Variants in L3MBTL4 observed in about 807,000 individuals in gnomAD.
L3MBTL4 encodes lethal(3)malignant brain tumor-like protein 4.
Under a neutral mutation model 84.5 loss-of-function variants are expected in L3MBTL4, and 70 were observed. The ratio of observed to expected loss-of-function variants is 0.83; its 90% CI spans 0.68 to 1.01. L3MBTL4 has a LOEUF of 1.01. L3MBTL4 is among the 50% of genes least tolerant of loss of function. L3MBTL4 has a pLI of 0.00. For missense variants in L3MBTL4, 715 were observed against 754.8 expected, an observed-to-expected ratio of 0.95 and a Z score of 0.62; for synonymous variants, 274 against 259.8, an observed-to-expected ratio of 1.05 and a Z score of -0.52.
intron 4 of L3MBTL4, among the ~76,000 whole-genome samples, chr18:6,270,698 G>A (rs2048828803): frequency 6.6e-6 from 1 of 152,234 alleles, no homozygotes; most frequent in Non-Finnish European, 1.5e-5. Flanking sequence ...TTCTGCAAAT[G>A]CCAGAGTCTG....
intron 5 of L3MBTL4, among the ~76,000 whole-genome samples, chr18:6,253,555 T>A (rs2146266041): frequency 6.6e-6 from 1 of 152,326 alleles, no homozygotes. Flanking sequence ...TTTAAGGTGG[T>A]GCCCACATTT....
chr18:6,238,063 T>A, intron 9 of L3MBTL4, 23 bp from the exon 10 acceptor site: 1 of 1,603,762 alleles, frequency 6.2e-7, no homozygotes, highest in Non-Finnish European at 8.5e-7. Flanking sequence ...AGCTCTATAT[T>A]ACGTTCCGTT....
chr18:6,075,655 A>T (rs993762925), intron 16 of L3MBTL4, among the ~76,000 whole-genome samples: 1 of 152,164 alleles, frequency 6.6e-6, no homozygotes, highest in Admixed American at 6.5e-5. Flanking sequence ...ATCAAAATAG[A>T]ACTGATAGAC....
intron 10 of L3MBTL4, among the ~76,000 whole-genome samples, chr18:6,217,705 C>T (rs1481915671): frequency 6.6e-6 from 1 of 152,142 alleles, no homozygotes; most frequent in African/African-American, 2.4e-5. Context: ...TCATTCTGTA[C>T]ATAAAATGTT....
At chr18:6,237,780 T>A (rs1483638287) in intron 10 of L3MBTL4, among the ~76,000 whole-genome samples, 184 bp downstream of exon 10, 2 of 152,062 alleles carry the variant, frequency 1.3e-5, no homozygotes, top group Non-Finnish European at 2.9e-5. Context: ...ATAAACACAG[T>A]TCGTCTTCAT....
intron 10 of L3MBTL4, among the ~76,000 whole-genome samples, chr18:6,229,878 G>GC (rs2046924401): frequency 6.6e-6 from 1 of 152,042 alleles, no homozygotes; most frequent in Admixed American, 6.6e-5. Flanking sequence ...GATTGCTGTA[G>GC]CTTTTCGGTA....
At chr18:6,295,346 C>CTCTCTCTCTCTCTCTCTATATATA (rs1261475809) in intron 4 of L3MBTL4, among the ~76,000 whole-genome samples, 1 of 81,388 alleles carries the variant, frequency 1.2e-5, no homozygotes, top group African/African-American at 6.6e-5. Context: ...CTCTCTCTCT[C>CTCTCTCTCTCTCTCTCTATATATA]TATATATATA....
At chr18:6,379,821 G>A (rs2054523297) in intron 1 of L3MBTL4, among the ~76,000 whole-genome samples, 1 of 152,176 alleles carries the variant, frequency 6.6e-6, no homozygotes, top group Non-Finnish European at 1.5e-5. Flanking sequence ...TCGGAATGAT[G>A]CTGGCCTCAT....
At chr18:6,353,265 A>G (rs968463632) in intron 1 of L3MBTL4, among the ~76,000 whole-genome samples, 2 of 149,372 alleles carry the variant, frequency 1.3e-5, no homozygotes, top group Admixed American at 6.6e-5. Flanking sequence ...AACTTTCAAG[A>G]GACCATGATG....
intron 16 of L3MBTL4, among the ~76,000 whole-genome samples, chr18:6,050,919 G>A (rs1326447330): frequency 6.6e-6 from 1 of 152,140 alleles, no homozygotes; most frequent in Admixed American, 6.5e-5. Context: ...AACACAGTTT[G>A]TGATCCTGTT....
chr18:6,100,956 T>C (rs1301212657), intron 14 of L3MBTL4, among the ~76,000 whole-genome samples: 1 of 152,210 alleles, frequency 6.6e-6, no homozygotes, highest in Non-Finnish European at 1.5e-5. Flanking sequence ...CCAGCATGGA[T>C]GAAAGCCCCA....
At chr18:6,160,024 C>T (rs961999799) in intron 13 of L3MBTL4, among the ~76,000 whole-genome samples, 21 of 152,262 alleles carry the variant, frequency 1.4e-4, no homozygotes, top group Middle Eastern at 3.4e-3. Flanking sequence ...GGAAGGGTGA[C>T]GTAAGTACAG....
chr18:6,083,169 C>T (rs547126907), intron 15 of L3MBTL4, among the ~76,000 whole-genome samples: 3 of 152,242 alleles, frequency 2.0e-5, no homozygotes, highest in South Asian at 2.1e-4. Context: ...CTTCCAATAG[C>T]GTACAGTTTA....
intron 3 of L3MBTL4, among the ~76,000 whole-genome samples, chr18:6,304,574 C>T (rs1440233691): frequency 6.6e-6 from 1 of 152,192 alleles, no homozygotes; most frequent in Admixed American, 6.5e-5. Context: ...AAGTATACGG[C>T]CCTCACTGTG....
intron 4 of L3MBTL4, 69 bp from the exon 5 acceptor site, chr18:6,264,107 C>A (rs1315265467): frequency 2.1e-5 from 24 of 1,152,544 alleles, no homozygotes; most frequent in Non-Finnish European, 2.9e-5. Flanking sequence ...ACTTACTTGA[C>A]AATAAACTCA....
intron 16 of L3MBTL4, among the ~76,000 whole-genome samples, chr18:6,033,432 CCT>C (rs2145630533): frequency 6.6e-6 from 1 of 152,256 alleles, no homozygotes; most frequent in South Asian, 2.1e-4. Context: ...ATTCTGCCAA[CCT>C]CTGTCTTTTG....
intron 15 of L3MBTL4, among the ~76,000 whole-genome samples, chr18:6,090,047 T>C (rs1028354707): frequency 2.6e-4 from 40 of 152,202 alleles, no homozygotes; most frequent in African/African-American, 9.2e-4. Context: ...TCTACTCTAC[T>C]ATATGTACCC....
At chr18:6,051,772 G>A (rs924923411) in intron 16 of L3MBTL4, among the ~76,000 whole-genome samples, 5 of 152,126 alleles carry the variant, frequency 3.3e-5, no homozygotes, top group Non-Finnish European at 5.9e-5. Flanking sequence ...TTTCCTCCTC[G>A]GAGTGGTGAG....
chr18:6,052,535 C>T (rs1485600138), intron 16 of L3MBTL4, among the ~76,000 whole-genome samples: 1 of 152,216 alleles, frequency 6.6e-6, no homozygotes, highest in Middle Eastern at 3.2e-3. Flanking sequence ...GGGCTTACTG[C>T]ACTTCTACGC....
Sources: allele counts gnomAD v4.1 joint callset (sites outside exome capture counted in the v4.1 genomes callset), GRCh38; gene constraint gnomAD v4.1.1; transcripts MANE v1.5; gene names NCBI Gene and HGNC (gene_info 2026-07-23, HGNC 2026-07-21).